CCDC174: variants seen among roughly 807,000 people sequenced by gnomAD.
The protein encoded by CCDC174 is coiled-coil domain-containing protein 174.
Under a neutral mutation model 57.1 loss-of-function variants are expected in CCDC174, and 37 were observed. That is an observed-to-expected ratio of 0.65 (90% CI 0.50 to 0.85). The LOEUF (loss-of-function observed/expected upper bound fraction) is 0.85. Among genes scored for constraint, CCDC174 ranks in the 40% least tolerant of loss-of-function variants. The pLI is 0.00. For missense variants in CCDC174, 540 were observed against 574.3 expected, an observed-to-expected ratio of 0.94 and a Z score of 0.61; for synonymous variants, 182 against 190.2, an observed-to-expected ratio of 0.96 and a Z score of 0.35.
intron 5 of CCDC174, 70 bp downstream of exon 5, chr3:14,661,777 G>A (rs370043198): frequency 5.7e-6 from 8 of 1,410,996 alleles, no homozygotes; most frequent in East Asian, 2.3e-5. Context: ...GAGTGATTTT[G>A]TTGGGTTGTT....
intron 6 of CCDC174, among the ~76,000 whole-genome samples, chr3:14,666,037 CAAAAAAAAAAA>C (rs71038422): frequency 9.4e-5 from 8 of 84,802 alleles, no homozygotes; most frequent in African/African-American, 3.7e-4. Flanking sequence ...GACTCCGTCT[CAAAAAAAAAAA>C]AAAAAAAAAA....
intron 7 of CCDC174, 153 bp from the exon 8 acceptor site, chr3:14,667,270 GT>G (rs1003069474): frequency 1.0e-5 from 7 of 676,616 alleles, no homozygotes; most frequent in African/African-American, 1.8e-5. Context: ...TGTTTCTTTG[GT>G]TTTTTGTTTC....
intron 9 of CCDC174, among the ~76,000 whole-genome samples, chr3:14,668,781 A>G (rs1455391126): frequency 6.6e-6 from 1 of 152,126 alleles, no homozygotes; most frequent in African/African-American, 2.4e-5. Flanking sequence ...CAAAATAGAG[A>G]TCTGTTTCTC....
rs2031381623 is a variant in CCDC174, at chr3:14,667,517, A to G, written c.818A>G (p.Gln273Arg). Residue 273 changes from glutamine (Q) to arginine (R), a missense_variant and splice_region_variant, in exon 8 of 11, where the codon CAG becomes CGG. By Grantham distance (43) the Gln-to-Arg change is conservative. Transcript: ENST00000383794. ...AAAACCTTAGAGATGCTGCGTGAAC[A>G]GGTACAGATAAATCCCAAGTGACTG... The part of the protein sequence containing the change: ...QMKTLEMLRE[Q>R]TTDQRTKREN... The G allele has an allele frequency of 1.2e-6, 2 of 1,611,194 alleles. No homozygotes were observed.
At chr3:14,669,640 A>G (rs1485633826) in intron 9 of CCDC174, among the ~76,000 whole-genome samples, 3 of 152,164 alleles carry the variant, frequency 2.0e-5, no homozygotes, top group Non-Finnish European at 4.4e-5. Flanking sequence ...ACTAAAATCC[A>G]TCCAGCCCAG....
chr3:14,656,161 A>G (rs1242776922), intron 3 of CCDC174, among the ~76,000 whole-genome samples: 2 of 152,202 alleles, frequency 1.3e-5, no homozygotes, highest in African/African-American at 4.8e-5. Flanking sequence ...ATTTTCCTAC[A>G]TAACCACAAT....
At position 14,658,592 on chromosome 3, in the gene CCDC174, A is replaced by G. The variant is rs79335411; in HGVS notation, c.249-279A>G. Among the ~76,000 whole-genome samples, 721 of 152,366 alleles carry G rather than the reference A, an allele frequency of 4.7e-3. 6 individuals carry two copies. The highest frequency in any genetic ancestry group is 5.4e-3 in the Non-Finnish European group (365 of 68,028). On this transcript the variant is annotated intron_variant, in intron 3 of 10. Coordinates refer to ENST00000383794, the MANE Select transcript of CCDC174 (RefSeq NM_016474.5). Reference sequence around the variant, plus strand: ...TTCATTCATCAAATATTGATTGAGAACCTACTGTGTGCCAAGTGTTATTTT... The same window carrying G: ...TTCATTCATCAAATATTGATTGAGAGCCTACTGTGTGCCAAGTGTTATTTT...
At position 14,658,943 on chromosome 3, in the gene CCDC174, G is replaced by T; in HGVS notation, c.307+14G>T. 6.7e-7 allele frequency: 1 copy of T among 1,491,656 alleles called. No homozygotes were observed. The highest frequency in any genetic ancestry group is 9.2e-7 in the Non-Finnish European group (1 of 1,088,798). 92.4% of individuals were successfully genotyped at this position (1,491,656 alleles called of 1,614,324 possible). ...GAGACTTTATAGGTAAATAAAATTT[G>T]TTATTTCTACTTCATTTTCTATAAT... On this transcript the variant is annotated intron_variant, in intron 4 of 10. Transcript: ENST00000383794.
rs759744214 is a variant in CCDC174, at chr3:14,671,317, C to T, written c.*123C>T. On this transcript the variant is annotated 3_prime_UTR_variant, in exon 11 of 11. Transcript: ENST00000383794. Reference sequence around the variant, plus strand: ...TCCTTTCCCTAGGAGGCACAGACTTCGGGTTGGATTTGTCAGCAAGGAGGA... The same window carrying T: ...TCCTTTCCCTAGGAGGCACAGACTTTGGGTTGGATTTGTCAGCAAGGAGGA... The T allele has an allele frequency of 3.7e-5, 39 of 1,047,278 alleles. 1 individual carries two copies. The highest frequency in any genetic ancestry group is 2.4e-4 in the Middle Eastern group (1 of 4,172). 64.9% of individuals were successfully genotyped at this position (1,047,278 alleles called of 1,614,324 possible).
intron 4 of CCDC174, 45 bp downstream of exon 4, chr3:14,658,974 C>T: frequency 2.1e-6 from 3 of 1,425,468 alleles, no homozygotes; most frequent in Non-Finnish European, 2.9e-6. Flanking sequence ...ATAATGCATA[C>T]AGCCCTTTGA....
At chr3:14,661,248 CT>C (rs2124838379) in intron 4 of CCDC174, among the ~76,000 whole-genome samples, 1 of 152,328 alleles carries the variant, frequency 6.6e-6, no homozygotes, top group South Asian at 2.1e-4. Context: ...TAAAATCAGA[CT>C]GTTGTGTTAT....
At chr3:14,656,317 T>C (rs2030959893) in intron 3 of CCDC174, among the ~76,000 whole-genome samples, 1 of 152,238 alleles carries the variant, frequency 6.6e-6, no homozygotes, top group Non-Finnish European at 1.5e-5. Flanking sequence ...TTACCCATTG[T>C]TTGTAGTTGT....
chr3:14,666,519 A>T (rs2124846239), intron 6 of CCDC174, among the ~76,000 whole-genome samples: 1 of 152,172 alleles, frequency 6.6e-6, no homozygotes, highest in Non-Finnish European at 1.5e-5. Context: ...GCTACTCGGG[A>T]GGCTGAGGCA....
Position 14,669,929 on chromosome 3 carries a change from A to T in CCDC174, c.953-5A>T, listed in dbSNP as rs368502072. On this transcript the variant is annotated splice_polypyrimidine_tract_variant and splice_region_variant and intron_variant, in intron 9 of 10. Coordinates refer to ENST00000383794, the MANE Select transcript of CCDC174 (RefSeq NM_016474.5). The stretch of plus-strand genomic sequence containing the variant: ...AACAGTGTCTTATTCTTTTACAAAA[A>T]ATAGATGGAGATGTTATTGGGCCTT... 4 of 1,613,628 alleles carry T rather than the reference A, an allele frequency of 2.5e-6. No individual in the cohort carries two copies. In the African/African-American group the frequency reaches 4.0e-5, roughly 16 times the overall value.
intron 5 of CCDC174, among the ~76,000 whole-genome samples, chr3:14,663,163 C>T (rs1453442085): frequency 1.3e-5 from 2 of 152,176 alleles, no homozygotes; most frequent in Middle Eastern, 3.2e-3. Flanking sequence ...AAGCAATCCT[C>T]CTGCCTCAGT....
intron 9 of CCDC174, among the ~76,000 whole-genome samples, chr3:14,669,420 C>T (rs770460127): frequency 2.0e-5 from 3 of 152,192 alleles, no homozygotes; most frequent in Non-Finnish European, 1.5e-5. Flanking sequence ...AAATGTGAAG[C>T]GCCACCACAG....
At position 14,670,138 on chromosome 3, in the gene CCDC174, G is replaced by GT. The variant is rs764817231; in HGVS notation, c.1105+60dup. 1.1e-4 allele frequency: 178 copies of GT among 1,553,250 alleles called. No individual in the cohort carries two copies. The East Asian group carries it at 2.3e-3, about 20-fold the overall frequency. ...AGAACTCTCCAGTGAATGGAAAATGGTTTTTTTTCTAGAAGCACTTGGGGT... is the reference window on the plus strand; with the variant it reads ...AGAACTCTCCAGTGAATGGAAAATGGTTTTTTTTTCTAGAAGCACTTGGGGT... On this transcript the variant is annotated intron_variant, in intron 10 of 10. Coordinates refer to ENST00000383794, the MANE Select transcript of CCDC174 (RefSeq NM_016474.5).
At chr3:14,658,996 T>C in intron 4 of CCDC174, 67 bp downstream of exon 4, 1 of 1,346,052 alleles carries the variant, frequency 7.4e-7, no homozygotes, top group South Asian at 1.3e-5. Context: ...ATTACATTAC[T>C]TGTTAAAATA....
At chr3:14,659,079 G>C (rs565416568) in intron 4 of CCDC174, 150 bp downstream of exon 4, 68 of 789,410 alleles carry the variant, frequency 8.6e-5, no homozygotes, top group Admixed American at 1.4e-4. Flanking sequence ...AAGAAAATCA[G>C]CAATAATTTA....
Sources: gnomAD v4.1 joint callset for allele counts (sites outside exome capture counted in the v4.1 genomes callset) on GRCh38, gnomAD v4.1.1 for gene constraint, MANE v1.5 for transcripts, NCBI Gene and HGNC (gene_info 2026-07-23, HGNC 2026-07-21) for gene names.